The following MYT1L variants were observed in gnomAD, a reference collection of about 807,000 sequenced individuals.
MYT1L encodes myelin transcription factor 1-like protein.
MYT1L carries 12 observed loss-of-function variants against 126.7 expected under a neutral mutation model. That is an observed-to-expected ratio of 0.09 (90% CI 0.06 to 0.15). The LOEUF is 0.15. Ranked by LOEUF, MYT1L falls within the 10% of genes least tolerant of loss-of-function variation. The pLI is 1.00. For missense variants in MYT1L, 979 were observed against 1,585.2 expected (o/e 0.62, Z 6.49); for synonymous variants, 541 against 604.2 (o/e 0.90, Z 1.53).
In MYT1L at chr2:1,982,207, A is replaced by T. The variant is rs528436645; in HGVS notation, c.1-2430T>A. On this transcript the variant is annotated intron_variant, in intron 5 of 24. Coordinates refer to ENST00000647738, the MANE Select transcript of MYT1L (RefSeq NM_001303052.2). ...GTCAAGAAGCCTAAAGCAATGGCAA[A>T]AACAGCATTCACATCCATGAGAAAG... Among the ~76,000 whole-genome samples the T allele has an allele frequency of 5.3e-5, 8 of 152,294 alleles. No individual in the cohort carries two copies. The South Asian group carries it at 1.7e-3, about 32-fold the overall frequency.
chr2:2,046,819 C>T (rs1053203308), intron 4 of MYT1L, among the ~76,000 whole-genome samples: 10 of 152,158 alleles, frequency 6.6e-5, no homozygotes, highest in African/African-American at 2.4e-4. Context: ...ATTGATATTG[C>T]TAATTATTTT....
chr2:2,196,725 T>C (rs2092815407), intron 2 of MYT1L, among the ~76,000 whole-genome samples: 1 of 151,828 alleles, frequency 6.6e-6, no homozygotes, highest in Admixed American at 6.6e-5. Context: ...TAGTAAAAAA[T>C]CTATCACTAT....
intron 4 of MYT1L, among the ~76,000 whole-genome samples, chr2:2,046,229 T>C (rs978320423): frequency 1.3e-5 from 2 of 152,240 alleles, no homozygotes; most frequent in Non-Finnish European, 2.9e-5. Flanking sequence ...CTGACAAGCA[T>C]CTACGTATAC....
chr2:2,281,604 C>T lies in MYT1L; in HGVS notation c.-421+2800G>A, dbSNP rs375473694. Among the ~76,000 whole-genome samples, 67 of 152,146 alleles carry T rather than the reference C, an allele frequency of 4.4e-4. No individual in the cohort carries two copies. The East Asian group carries it at 7.9e-3, about 18-fold the overall frequency. On this transcript the variant is annotated intron_variant, in intron 2 of 24. Coordinates refer to ENST00000647738, the MANE Select transcript of MYT1L (RefSeq NM_001303052.2). ...TTAATGATCCAATTACCTTGAATGG[C>T]GTGAACTTAACTTGTGTATTTAGAA...
At chr2:2,265,528 G>A (rs911266306) in intron 2 of MYT1L, among the ~76,000 whole-genome samples, 4 of 152,162 alleles carry the variant, frequency 2.6e-5, no homozygotes, top group East Asian at 1.9e-4. Context: ...GAACTAGACA[G>A]TGGGTACAGA....
Position 1,943,464 on chromosome 2 carries a change from A to G in MYT1L, c.153-130T>C. 9.3e-7 allele frequency: 1 copy of G among 1,071,928 alleles called. No individual in the cohort carries two copies. Among genetic ancestry groups the G allele is most frequent in the South Asian group, 1.8e-5 (1 of 56,262 alleles). The allele number at this position is 1,071,928 out of a possible 1,614,324, so 66.4% of individuals were successfully genotyped here. A position where few individuals can be genotyped will look rare whatever the true frequency, so the allele number is the denominator to read the frequency against. Reference sequence around the variant, plus strand: ...GCTTATCATGAATGTCATCAGCACAAACACCAGAGAGACATAACATACATG... The same window carrying G: ...GCTTATCATGAATGTCATCAGCACAGACACCAGAGAGACATAACATACATG... On this transcript the variant is annotated intron_variant, in intron 8 of 24. Transcript: ENST00000647738. The surrounding 1 kb of genome is among the most constrained non-coding windows in gnomAD (Gnocchi z 4.4).
chr2:2,117,473 G>A (rs1018282626), intron 3 of MYT1L, among the ~76,000 whole-genome samples: 3 of 152,094 alleles, frequency 2.0e-5, no homozygotes, highest in African/African-American at 7.2e-5. Context: ...CCGCCGTGTA[G>A]GGTCTATGAT....
intron 2 of MYT1L, among the ~76,000 whole-genome samples, chr2:2,221,094 C>A (rs2093852715): frequency 1.3e-5 from 2 of 152,198 alleles, no homozygotes; most frequent in Admixed American, 1.3e-4. Flanking sequence ...GCTGTACCCA[C>A]TTTTCTTCTC....
chr2:1,876,488 C>A (rs1046498089), intron 18 of MYT1L, among the ~76,000 whole-genome samples: 1 of 152,116 alleles, frequency 6.6e-6, no homozygotes, highest in African/African-American at 2.4e-5. Context: ...ACCCTGACCC[C>A]CCCGTCCATC....
Position 1,833,463 on chromosome 2 carries a change from C to T in MYT1L, c.3080+5686G>A, listed in dbSNP as rs185586749. The stretch of plus-strand genomic sequence containing the variant: ...GGACACCTTCCTGTCCTGAGCTGTC[C>T]GCTCTGCTGCTTCCTCATGTATACA... On this transcript the variant is annotated intron_variant, in intron 21 of 24. Transcript: ENST00000647738. Among the ~76,000 whole-genome samples, 822 of 152,228 alleles carry T rather than the reference C, an allele frequency of 5.4e-3. 7 individuals carry two copies. Among genetic ancestry groups the T allele is most frequent in the Middle Eastern group, 0.01 (3 of 294 alleles).
chr2:2,056,997 G>A (rs905608668), intron 3 of MYT1L, among the ~76,000 whole-genome samples: 4 of 152,264 alleles, frequency 2.6e-5, no homozygotes, highest in South Asian at 2.1e-4. Context: ...AAAGAATACA[G>A]AGATCCCATG....
intron 1 of MYT1L, among the ~76,000 whole-genome samples, chr2:2,317,854 C>G (rs1012542183): frequency 3.3e-5 from 5 of 151,996 alleles, no homozygotes; most frequent in Non-Finnish European, 5.9e-5. Flanking sequence ...CTGACCGTGC[C>G]CTTAGTTAAA....
chr2:2,212,593 C>T lies in MYT1L; in HGVS notation c.-420-39605G>A, dbSNP rs145555835. On this transcript the variant is annotated intron_variant, in intron 2 of 24. Coordinates refer to ENST00000647738, the MANE Select transcript of MYT1L (RefSeq NM_001303052.2). ...ATAAATGGTATTTAAGTTGTATAGA[C>T]GGGATTAGTACTAATTAGTAATATT... 2.5e-3 allele frequency among the ~76,000 whole-genome samples: 381 copies of T among 152,158 alleles called. 14 individuals are homozygous for T. The East Asian group carries it at 0.058, about 23-fold the overall frequency.
intron 4 of MYT1L, among the ~76,000 whole-genome samples, chr2:2,006,072 G>GTTCTTTCCTGCATGCC (rs1355780738): frequency 2.0e-5 from 3 of 151,318 alleles, no homozygotes; most frequent in South Asian, 2.1e-4. Flanking sequence ...TCCTGCATGT[G>GTTCTTTCCTGCATGCC]TTCTTTCCTG....
At chr2:2,094,770 T>C (rs1015859584) in intron 3 of MYT1L, among the ~76,000 whole-genome samples, 12 of 64,212 alleles carry the variant, frequency 1.9e-4, no homozygotes, top group African/African-American at 7.5e-4. Context: ...CGGGGCCTGC[T>C]GTGGGGTGGG....
rs374179250 is a variant in MYT1L at position 1,887,814 on chromosome 2, C to T, written c.2521-205G>A. On this transcript the variant is annotated intron_variant, in intron 16 of 24. Transcript: ENST00000647738. This position sits in a 1 kb window ranked among gnomAD's most constrained non-coding sequence, Gnocchi z 4.8. ...TGCTCTAAACTCCTAAAATGATGGT[C>T]ACCTGTCAGTGGTCAGGGCCCTTAT... is the stretch of plus-strand genomic sequence containing the variant. Among the ~76,000 whole-genome samples the T allele has an allele frequency of 1.1e-4, 17 of 152,340 alleles. No homozygotes were observed. The East Asian group carries it at 2.5e-3, about 22-fold the overall frequency.
At chr2:2,142,002 T>C (rs1204179472) in intron 3 of MYT1L, among the ~76,000 whole-genome samples, 2 of 152,270 alleles carry the variant, frequency 1.3e-5, no homozygotes, top group Non-Finnish European at 2.9e-5. Flanking sequence ...GAAAGCTTAA[T>C]GTTTTCTTTT....
At position 2,254,605 on chromosome 2, in the gene MYT1L, A is replaced by G. The variant is rs186343947; in HGVS notation, c.-421+29799T>C. 9.5e-4 allele frequency among the ~76,000 whole-genome samples: 144 copies of G among 152,348 alleles called. 2 individuals carry two copies. Among genetic ancestry groups the G allele is most frequent in the South Asian group, 2.1e-4 (1 of 4,824 alleles). On this transcript the variant is annotated intron_variant, in intron 2 of 24. Coordinates refer to ENST00000647738, the MANE Select transcript of MYT1L (RefSeq NM_001303052.2). ...TACAGCACTGGCTGCCACATAGATCAATAAATCTTAGCTATTATTAGTACT... is the reference window on the plus strand; with the variant it reads ...TACAGCACTGGCTGCCACATAGATCGATAAATCTTAGCTATTATTAGTACT...
chr2:2,322,731 C>A (rs1239040952), intron 1 of MYT1L, among the ~76,000 whole-genome samples: 1 of 152,056 alleles, frequency 6.6e-6, no homozygotes, highest in Non-Finnish European at 1.5e-5. Context: ...TGATATTTTG[C>A]CCCAAGAAAG....
Sources: gnomAD v4.1 joint callset for allele counts (sites outside exome capture counted in the v4.1 genomes callset) on GRCh38, gnomAD v4.1.1 for gene constraint, Gnocchi (gnomAD v3.1) non-coding constraint, MANE v1.5 for transcripts, NCBI Gene and HGNC (gene_info 2026-07-23, HGNC 2026-07-21) for gene names.